Variants in COL21A1 observed in about 807,000 individuals in gnomAD.
COL21A1 encodes the protein collagen type XXI alpha 1 chain, also known as collagen alpha-1(XXI) chain.
Under a neutral mutation model 137.9 loss-of-function variants are expected in COL21A1, and 149 were observed. That is an observed-to-expected ratio of 1.08 (90% confidence interval 0.95 to 1.24). The LOEUF (loss-of-function observed/expected upper bound fraction) is 1.24, where lower values mean the gene tolerates loss of function less well. COL21A1 is among the 50% of genes most tolerant of loss of function. COL21A1 has a pLI of 0.00. For synonymous variants in COL21A1, 456 were observed against 391.5 expected (o/e 1.16, Z -1.95); for missense variants, 1,167 against 1,158.4 (o/e 1.01, Z -0.11).
At chr6:56,164,349 G>T (rs1378210643) in intron 9 of COL21A1, 74 bp downstream of exon 9, 4 of 954,454 alleles carry the variant, frequency 4.2e-6, no homozygotes, top group Non-Finnish European at 6.6e-6. Flanking sequence ...GATCAATGGT[G>T]ATTAGGAATT....
intron 1 of COL21A1, among the ~76,000 whole-genome samples, chr6:56,263,426 C>A (rs1307471963): frequency 6.6e-6 from 1 of 152,140 alleles, no homozygotes; most frequent in Non-Finnish European, 1.5e-5. Context: ...TATTGAAATA[C>A]TCTATGGAGT....
chr6:56,202,292 GA>G (rs1779464180), intron 1 of COL21A1, among the ~76,000 whole-genome samples: 1 of 152,090 alleles, frequency 6.6e-6, no homozygotes, highest in African/African-American at 2.4e-5. Context: ...AGGAAAAAGG[GA>G]AAATCACAGC....
intron 1 of COL21A1, among the ~76,000 whole-genome samples, chr6:56,288,920 A>G (rs1763975692): frequency 6.6e-6 from 1 of 152,208 alleles, no homozygotes; most frequent in Admixed American, 6.5e-5. Context: ...AGAATTCCCT[A>G]TTGGGATGAA....
chr6:56,175,893 A>G (rs1777430750), intron 3 of COL21A1, among the ~76,000 whole-genome samples: 1 of 152,194 alleles, frequency 6.6e-6, no homozygotes, highest in South Asian at 2.1e-4. Flanking sequence ...TTGCAAAGCT[A>G]GAGTAATCAA....
intron 1 of COL21A1, among the ~76,000 whole-genome samples, chr6:56,285,011 A>G (rs897562453): frequency 3.9e-5 from 6 of 152,176 alleles, no homozygotes; most frequent in Non-Finnish European, 8.8e-5. Context: ...CCACTTATCT[A>G]GTCTCTATTC....
intron 3 of COL21A1, among the ~76,000 whole-genome samples, chr6:56,171,712 C>T (rs1334241461): frequency 6.6e-6 from 1 of 151,802 alleles, no homozygotes; most frequent in Non-Finnish European, 1.5e-5. Flanking sequence ...ACCTGGGTCC[C>T]ATCTATTCAT....
intron 1 of COL21A1, among the ~76,000 whole-genome samples, chr6:56,356,841 C>T (rs1490030497): frequency 2.0e-5 from 3 of 152,154 alleles, no homozygotes; most frequent in African/African-American, 7.2e-5. Context: ...GCAATCACAG[C>T]AGCTTCGATG....
intron 17 of COL21A1, among the ~76,000 whole-genome samples, chr6:56,097,738 C>T (rs1229397590): frequency 7.6e-6 from 1 of 131,226 alleles, no homozygotes; most frequent in Admixed American, 9.1e-5. Flanking sequence ...CTAAGCACTC[C>T]TCATTTTATA....
chr6:56,108,772 G>A (rs1029493083), intron 16 of COL21A1, among the ~76,000 whole-genome samples: 9 of 151,944 alleles, frequency 5.9e-5, no homozygotes, highest in Middle Eastern at 3.4e-3. Flanking sequence ...TTTACACTCT[G>A]AAAATAGAGA....
intron 1 of COL21A1, among the ~76,000 whole-genome samples, chr6:56,272,618 C>G (rs1763555733): frequency 6.6e-6 from 1 of 152,010 alleles, no homozygotes; most frequent in Non-Finnish European, 1.5e-5. Context: ...TGTCCCCACC[C>G]AAATCTCATC....
intron 1 of COL21A1, among the ~76,000 whole-genome samples, chr6:56,202,604 A>C (rs2152299017): frequency 6.6e-6 from 1 of 152,332 alleles, no homozygotes; most frequent in South Asian, 2.1e-4. Context: ...CTACAGTGGT[A>C]TCCACCTAAG....
intron 1 of COL21A1, among the ~76,000 whole-genome samples, chr6:56,208,931 T>A (rs1320150694): frequency 6.6e-6 from 1 of 152,184 alleles, no homozygotes; most frequent in African/African-American, 2.4e-5. Flanking sequence ...GGGAAAGGAT[T>A]CCTTATTTAA....
intron 16 of COL21A1, among the ~76,000 whole-genome samples, chr6:56,101,944 A>T (rs929689580): frequency 6.6e-6 from 1 of 152,166 alleles, no homozygotes; most frequent in Non-Finnish European, 1.5e-5. Flanking sequence ...AGTAAAAACA[A>T]AACTTTCATT....
chr6:56,385,090 G>C (rs1243372572), intron 1 of COL21A1, among the ~76,000 whole-genome samples: 2 of 152,224 alleles, frequency 1.3e-5, no homozygotes, highest in East Asian at 3.8e-4. Flanking sequence ...AGAAAGGGTA[G>C]CACCGCCAAC....
intron 1 of COL21A1, among the ~76,000 whole-genome samples, chr6:56,348,307 G>A (rs1434191305): frequency 1.3e-5 from 2 of 152,168 alleles, no homozygotes; most frequent in African/African-American, 4.8e-5. Context: ...GATTTTCAGT[G>A]AAGTGAAAAT....
intron 1 of COL21A1, among the ~76,000 whole-genome samples, chr6:56,262,472 A>G (rs1016741495): frequency 1.3e-5 from 2 of 152,192 alleles, no homozygotes; most frequent in African/African-American, 4.8e-5. Context: ...GCATAATACT[A>G]GCCCTGTAGA....
chr6:56,240,053 C>T (rs117075123), intron 1 of COL21A1, among the ~76,000 whole-genome samples: 2,785 of 152,174 alleles, frequency 0.018, 120 homozygotes, highest in East Asian at 0.15. Flanking sequence ...AAACCCCTTC[C>T]GCTTGGCTCT....
chr6:56,061,092 T>C (rs1361204882), intron 25 of COL21A1, 55 bp from the exon 26 acceptor site: 13 of 1,465,174 alleles, frequency 8.9e-6, no homozygotes, highest in Non-Finnish European at 1.1e-5. Flanking sequence ...GGAGGTATAA[T>C]TGCATCATGA....
At chr6:56,202,517 T>C (rs900620124) in intron 1 of COL21A1, among the ~76,000 whole-genome samples, 3 of 149,698 alleles carry the variant, frequency 2.0e-5, no homozygotes, top group South Asian at 4.1e-4. Context: ...AATTCGATCT[T>C]TTTCTACTTC....
Sources: gnomAD v4.1 joint callset for allele counts (sites outside exome capture counted in the v4.1 genomes callset) on GRCh38, gnomAD v4.1.1 for gene constraint, MANE v1.5 for transcripts, NCBI Gene and HGNC (gene_info 2026-07-23, HGNC 2026-07-21) for gene names.